HDAC7: variants seen among roughly 807,000 people sequenced by gnomAD.
The protein encoded by HDAC7 is histone deacetylase 7, also known as histone deacetylase 7A.
A neutral mutation model predicts 115.5 loss-of-function variants in HDAC7; 26 were observed. The observed-to-expected ratio is 0.23, with a 90% confidence interval of 0.16 to 0.31. The LOEUF (loss-of-function observed/expected upper bound fraction) is 0.31, where lower values mean the gene tolerates loss of function less well. Among genes scored for constraint, HDAC7 ranks in the 10% least tolerant of loss-of-function variants. HDAC7 has a pLI of 1.00. For missense variants in HDAC7, 1,068 were observed against 1,329.0 expected (o/e 0.80, Z 3.05); for synonymous variants, 564 against 550.9 (o/e 1.02, Z -0.33).
At position 47,785,889 on chromosome 12, in the gene HDAC7, G is replaced by A; in HGVS notation, c.2573-4C>T. 6.3e-7 allele frequency: 1 copy of A among 1,586,940 alleles called. No homozygotes were observed. Among genetic ancestry groups the A allele is most frequent in the South Asian group, 1.1e-5 (1 of 88,078 alleles). ...TGCTGCGTCATGTATCCAAAACCTA[G>A]AGGTTGGGAGGGGAGAAATGGGAGG... On this transcript the variant is annotated splice_region_variant and splice_polypyrimidine_tract_variant and intron_variant, in intron 22 of 25. Coordinates refer to ENST00000080059, the MANE Select transcript of HDAC7 (RefSeq NM_015401.5).
intron 13 of HDAC7, chr12:47,792,233 C>T (rs2136945703): frequency 3.5e-6 from 2 of 570,724 alleles, no homozygotes; most frequent in South Asian, 2.2e-5. Flanking sequence ...GCAGCCAACA[C>T]ATCAACACAG....
Position 47,795,012 on chromosome 12 carries a change from A to C in HDAC7, c.1285-79T>G. ...TGGGAGGTGGTGGGCTGGGCCAGGC[A>C]GCCAGTCATCTTGCTAGGACTCCAG... On this transcript the variant is annotated intron_variant, in intron 11 of 25. Coordinates refer to ENST00000080059, the MANE Select transcript of HDAC7 (RefSeq NM_015401.5). This position sits in a 1 kb window ranked among gnomAD's most constrained non-coding sequence, Gnocchi z 4.3. 6.9e-7 allele frequency: 1 copy of C among 1,459,834 alleles called. No individual in the cohort carries two copies. The highest frequency in any genetic ancestry group is 9.3e-7 in the Non-Finnish European group (1 of 1,070,390). 90.4% of individuals were successfully genotyped at this position (1,459,834 alleles called of 1,614,324 possible). A position where few individuals can be genotyped will look rare whatever the true frequency, so the allele number is the denominator to read the frequency against.
chr12:47,796,942 G>A, intron 7 of HDAC7, 75 bp downstream of exon 7: 1 of 1,470,910 alleles, frequency 6.8e-7, no homozygotes, highest in South Asian at 1.4e-5. Context: ...CCCCTGTCTA[G>A]GTGGGGCCTG....
intron 12 of HDAC7, 129 bp downstream of exon 12, chr12:47,794,631 T>C (rs1170796459): frequency 1.1e-6 from 1 of 924,486 alleles, no homozygotes; most frequent in Admixed American, 3.4e-5. Context: ...CCCAGGATCT[T>C]ATAGGGCAAC....
At chr12:47,791,043 G>A in intron 16 of HDAC7, 3 of 612,164 alleles carry the variant, frequency 4.9e-6, no homozygotes, top group East Asian at 5.6e-5. Context: ...GGAAGGCTTA[G>A]GCTGGACTCC....
rs375868333 is a variant in HDAC7 at position 47,785,403 on chromosome 12, G to A, written c.2775C>T (p.Ala925=). The A allele has an allele frequency of 5.6e-6, 9 of 1,611,166 alleles. No individual in the cohort carries two copies. The highest frequency in any genetic ancestry group is 1.6e-4 in the Middle Eastern group (1 of 6,074). The change falls in exon 24 of 26, where the codon GCC becomes GCT. Residue 925 remains alanine, a synonymous_variant. Transcript: ENST00000080059. ...PNLNAIRSLE[A]VIRVHSKYWG... ...CACACTTACTGTGCACCCGGATCAC[G>A]GCCTCCAGAGAGCGGATGGCATTGA... is the stretch of plus-strand genomic sequence containing the variant.
In HDAC7 at chr12:47,795,683, G is replaced by A; in HGVS notation, c.991C>T (p.His331Tyr). ...CCCCCAGCCTCGGGCTCCAAGCCAT[G>A]GGGCAGGAAGAGGGGAGTGTGGGGG... ...GSPHTPLFLP[H>Y]GLEPEAGGTL... is the part of the protein sequence containing the mutation. The change falls in exon 10 of 26, where the codon CAT becomes TAT. Residue 331 changes from histidine to tyrosine, a missense_variant. By Grantham distance (83) the His-to-Tyr change is moderately conservative (BLOSUM62 2). Around this residue, in one of 6 missense-constraint regions of HDAC7, gnomAD observed 618 missense variants for 701.5 expected, o/e 0.88. Transcript: ENST00000080059. This position sits in a 1 kb window ranked among gnomAD's most constrained non-coding sequence, Gnocchi z 4.3. The A allele has an allele frequency of 6.4e-7, 1 of 1,551,834 alleles. No homozygotes were observed. Among genetic ancestry groups the A allele is most frequent in the Non-Finnish European group, 8.7e-7 (1 of 1,147,272 alleles).
chr12:47,797,010 C>CCCTCACCT lies in HDAC7; in HGVS notation c.702_703+6dup. On this transcript the variant is annotated splice_region_variant and intron_variant, in intron 7 of 25. Transcript: ENST00000080059. The surrounding 1 kb of genome is among the most constrained non-coding windows in gnomAD (Gnocchi z 5.5). ...ATGGCAACCGCACTGGCTCAGCCGG[C>CCCTCACCT]CCTCACCTCCGAGGGTCTCTGCGGG... 1 of 1,537,640 alleles carries CCCTCACCT rather than the reference C, an allele frequency of 6.5e-7. No homozygotes were observed. The highest frequency in any genetic ancestry group is 1.4e-5 in the African/African-American group (1 of 72,264).
upstream of HDAC7, among the ~76,000 whole-genome samples, chr12:47,821,114 CT>C (rs1295473933): frequency 2.0e-5 from 3 of 152,210 alleles, no homozygotes; most frequent in Admixed American, 6.5e-5. Flanking sequence ...GCAGCTTCCC[CT>C]GACCCCATTC....
intron 12 of HDAC7, 58 bp downstream of exon 12, chr12:47,794,702 G>A: frequency 9.6e-6 from 14 of 1,465,720 alleles, no homozygotes; most frequent in Non-Finnish European, 1.1e-5. Context: ...CCCATCTTAT[G>A]CCAGGCCCCA....
At chr12:47,786,085 G>A in intron 22 of HDAC7, 200 bp from the exon 23 acceptor site, 2 of 584,166 alleles carry the variant, frequency 3.4e-6, no homozygotes, top group East Asian at 6.3e-5. Flanking sequence ...GAGGTTAAGG[G>A]CCTTGGGAAA....
At chr12:47,802,421 A>T (rs1944213076) in intron 1 of HDAC7, 147 bp from the exon 2 acceptor site, 1 of 1,543,556 alleles carries the variant, frequency 6.5e-7, no homozygotes, top group Non-Finnish European at 8.8e-7. Flanking sequence ...GCTAATCAAA[A>T]CGAGAAGACC....
chr12:47,816,959 C>T (rs1302853010), intron 1 of HDAC7, among the ~76,000 whole-genome samples: 5 of 152,196 alleles, frequency 3.3e-5, no homozygotes, highest in African/African-American at 1.2e-4. Flanking sequence ...GCCCCTGATC[C>T]TAGGGAGCCA....
rs1324407095 is a variant in HDAC7, at chr12:47,793,583, C to T, written c.1464G>A (p.Leu488=). The T allele has an allele frequency of 2.0e-6, 3 of 1,538,098 alleles. No individual in the cohort carries two copies. Among genetic ancestry groups the T allele is most frequent in the Non-Finnish European group, 2.6e-6 (3 of 1,140,298 alleles). Residue 488 remains leucine (L), a synonymous_variant, in exon 13 of 26, where the codon TTG becomes TTA. Transcript: ENST00000080059. The surrounding 1 kb of genome is among the most constrained non-coding windows in gnomAD (Gnocchi z 4.5). The part of the protein sequence containing the change: ...PAPLQQHPQV[L]LWEQQRLAGR... Reference sequence around the variant, plus strand: ...CAGCCAGTCGCTGCTGTTCCCAGAGCAACACCTAGGGGAAAGATGGGGCCT... The same window carrying T: ...CAGCCAGTCGCTGCTGTTCCCAGAGTAACACCTAGGGGAAAGATGGGGCCT...
chr12:47,787,988 G>T (rs1321133310), intron 20 of HDAC7, 57 bp downstream of exon 20: 3 of 1,593,288 alleles, frequency 1.9e-6, no homozygotes, highest in Non-Finnish European at 2.6e-6. Flanking sequence ...CAGAGGCAGA[G>T]TAAGTGTCAG....
At chr12:47,788,238 G>A in intron 19 of HDAC7, 74 bp from the exon 20 acceptor site, 1 of 1,505,690 alleles carries the variant, frequency 6.6e-7, no homozygotes, top group South Asian at 1.3e-5. Context: ...GGGTTTCAAG[G>A]TCAGTGGCCA....
chr12:47,797,895 T>TGTGTGTGTGTGAGTGA lies in HDAC7; in HGVS notation c.461+212_461+213insTCACTCACACACACAC, dbSNP rs35753431. 2.8e-5 allele frequency among the ~76,000 whole-genome samples: 4 copies of TGTGTGTGTGTGAGTGA among 143,356 alleles called. No homozygotes were observed. The highest frequency in any genetic ancestry group is 1.1e-4 in the African/African-American group (4 of 36,396). 94.0% of individuals were successfully genotyped at this position (143,356 alleles called of 152,430 possible). ...GTGTGTGTGTGTGTGTGTGTGTGTG[T>TGTGTGTGTGTGAGTGA]GAGAAGGGCTCAGGTGGGGTGGGGA... is the stretch of plus-strand genomic sequence containing the variant. On this transcript the variant is annotated intron_variant, in intron 5 of 25. Transcript: ENST00000080059. This position sits in a 1 kb window ranked among gnomAD's most constrained non-coding sequence, Gnocchi z 5.5.
At position 47,793,346 on chromosome 12, in the gene HDAC7, C is replaced by CCCCCCCCA; in HGVS notation, c.1678+22_1678+23insTGGGGGGG. 1 of 1,444,286 alleles carries CCCCCCCCA rather than the reference C, an allele frequency of 6.9e-7. No individual in the cohort carries two copies. Among genetic ancestry groups the CCCCCCCCA allele is most frequent in the East Asian group, 2.5e-5 (1 of 39,890 alleles). The allele number at this position is 1,444,286 out of a possible 1,614,324, so 89.5% of individuals were successfully genotyped here. On this transcript the variant is annotated intron_variant, in intron 13 of 25. Coordinates refer to ENST00000080059, the MANE Select transcript of HDAC7 (RefSeq NM_015401.5). This position sits in a 1 kb window ranked among gnomAD's most constrained non-coding sequence, Gnocchi z 4.5. ...GTGCAGCCGAGCCCCTCCCTCCACCCGCCACCCTCCTCCCGGTCTCACCTG... is the reference window on the plus strand; with the variant it reads ...GTGCAGCCGAGCCCCTCCCTCCACCCCCCCCCCAGCCACCCTCCTCCCGGTCTCACCTG...
chr12:47,786,745 G>C, intron 21 of HDAC7, 42 bp from the exon 22 acceptor site: 2 of 1,525,762 alleles, frequency 1.3e-6, no homozygotes, highest in Non-Finnish European at 1.8e-6. Context: ...ACTGTGCAGG[G>C]TTGCCAGGGG....
Sources: gnomAD v4.1 joint callset for allele counts (sites outside exome capture counted in the v4.1 genomes callset) on GRCh38, gnomAD v4.1.1 for gene constraint, gnomAD v4.1.1 regional missense constraint, Gnocchi (gnomAD v3.1) non-coding constraint, MANE v1.5 for transcripts, NCBI Gene and HGNC (gene_info 2026-07-23, HGNC 2026-07-21) for gene names.